Variants in BANK1 observed in about 807,000 individuals in gnomAD.
The protein encoded by BANK1 is B cell scaffold protein with ankyrin repeats 1.
Under a neutral mutation model 94.5 loss-of-function variants are expected in BANK1, and 95 were observed. The ratio of observed to expected loss-of-function variants is 1.00; its 90% CI spans 0.85 to 1.19. BANK1 has a LOEUF of 1.19. Ranked by LOEUF, BANK1 falls within the 50% of genes most tolerant of loss-of-function variation. The pLI, the probability that BANK1 is intolerant of heterozygous loss-of-function variation, is 0.00. For synonymous variants in BANK1, 334 were observed against 308.4 expected, an observed-to-expected ratio of 1.08 and a Z score of -0.87; for missense variants, 987 against 932.2, an observed-to-expected ratio of 1.06 and a Z score of -0.77.
chr4:101,835,618 A>T (rs1726795394), intron 2 of BANK1, among the ~76,000 whole-genome samples: 1 of 152,240 alleles, frequency 6.6e-6, no homozygotes, highest in East Asian at 1.9e-4. Flanking sequence ...AACAAAACAA[A>T]CAACAGAACA....
intron 2 of BANK1, among the ~76,000 whole-genome samples, chr4:101,836,097 G>T (rs1236881597): frequency 6.6e-6 from 1 of 151,918 alleles, no homozygotes; most frequent in Non-Finnish European, 1.5e-5. Context: ...GCATACTTAT[G>T]ACTCTCGTTA....
In BANK1 at chr4:102,055,335, T is replaced by TA. The variant is rs202046703; in HGVS notation, c.1970-4870dup. On this transcript the variant is annotated intron_variant, in intron 11 of 16. Transcript: ENST00000322953. The stretch of plus-strand genomic sequence containing the variant: ...TTATAGTTCAACTATTCATAATTTT[T>TA]AAAAAATCTTATAAAATAGAAAGAG... 4.7e-3 allele frequency among the ~76,000 whole-genome samples: 718 copies of TA among 152,104 alleles called. 4 individuals are homozygous for TA. The highest frequency in any genetic ancestry group is 0.017 in the Middle Eastern group (5 of 294).
chr4:101,792,263 C>CCCCG (rs1464598228), intron 1 of BANK1, among the ~76,000 whole-genome samples: 1 of 140,098 alleles, frequency 7.1e-6, no homozygotes, highest in Non-Finnish European at 1.6e-5. Flanking sequence ...GCTCCCCCCC[C>CCCCG]GCCCCGCCCC....
intron 1 of BANK1, among the ~76,000 whole-genome samples, chr4:101,820,698 T>C (rs966106624): frequency 1.3e-5 from 2 of 152,218 alleles, no homozygotes; most frequent in African/African-American, 2.4e-5. Flanking sequence ...ATCATTTAGC[T>C]CCCACTTATA....
intron 11 of BANK1, among the ~76,000 whole-genome samples, chr4:102,058,467 A>T (rs1019676749): frequency 6.6e-6 from 1 of 152,156 alleles, no homozygotes; most frequent in Admixed American, 6.5e-5. Flanking sequence ...AAACTAAAAA[A>T]AATACAAAAT....
chr4:101,971,115 T>C (rs924647366), intron 7 of BANK1, among the ~76,000 whole-genome samples: 1 of 152,132 alleles, frequency 6.6e-6, no homozygotes, highest in Admixed American at 6.6e-5. Context: ...AACTTAAAGG[T>C]GTTACCTGAT....
At chr4:101,900,555 G>A (rs1216132725) in intron 6 of BANK1, among the ~76,000 whole-genome samples, 3 of 152,182 alleles carry the variant, frequency 2.0e-5, no homozygotes, top group Admixed American at 1.3e-4. Flanking sequence ...GAGGTGAAGA[G>A]ATTTGCTTGA....
intron 7 of BANK1, among the ~76,000 whole-genome samples, chr4:101,946,736 G>A (rs1051491498): frequency 1.3e-5 from 2 of 151,856 alleles, no homozygotes; most frequent in Admixed American, 1.3e-4. Context: ...TTTGAAAGCT[G>A]CCAAGTTAGA....
intron 7 of BANK1, among the ~76,000 whole-genome samples, chr4:102,017,806 T>C (rs1655994287): frequency 6.6e-6 from 1 of 152,234 alleles, no homozygotes; most frequent in South Asian, 2.1e-4. Context: ...AAAAATAGTG[T>C]ATGTATACTC....
At chr4:102,071,217 G>A in intron 13 of BANK1, 58 bp from the exon 14 acceptor site, 4 of 1,547,536 alleles carry the variant, frequency 2.6e-6, no homozygotes, top group Non-Finnish European at 3.6e-6. Flanking sequence ...ATAAGAGAGA[G>A]AATTTAAGAT....
At chr4:101,882,257 TAGAA>T (rs1411109890) in intron 5 of BANK1, among the ~76,000 whole-genome samples, 2 of 152,136 alleles carry the variant, frequency 1.3e-5, no homozygotes, top group East Asian at 1.9e-4. Context: ...CAAAAAAAGA[TAGAA>T]AGTGAAATGA....
rs1462816764 is a variant in BANK1 at position 101,794,267 on chromosome 4, CAG to C, written c.70+3319_70+3320del. Among the ~76,000 whole-genome samples, 3 of 151,926 alleles carry C rather than the reference CAG, an allele frequency of 2.0e-5. No homozygotes were observed. The East Asian group carries it at 5.8e-4, about 29-fold the overall frequency. The stretch of plus-strand genomic sequence containing the variant: ...ATATTTGAAAAAAATAAGCATCAAA[CAG>C]AAAAACTGTGGAGTATTTCAACTTA... On this transcript the variant is annotated intron_variant, in intron 1 of 16. Transcript: ENST00000322953.
chr4:101,843,915 C>T (rs1183184126), intron 2 of BANK1, among the ~76,000 whole-genome samples: 4 of 151,972 alleles, frequency 2.6e-5, no homozygotes, highest in East Asian at 1.9e-4. Context: ...GGGCAAGACT[C>T]GGTCTCAAAA....
intron 7 of BANK1, among the ~76,000 whole-genome samples, chr4:102,013,968 C>T (rs1164237123): frequency 6.6e-6 from 1 of 151,910 alleles, no homozygotes; most frequent in Admixed American, 6.6e-5. Context: ...TCACAAAAAC[C>T]CTGCGAGATA....
intron 5 of BANK1, among the ~76,000 whole-genome samples, chr4:101,876,864 GAGTA>G (rs938850269): frequency 2.9e-4 from 44 of 152,236 alleles, no homozygotes; most frequent in Admixed American, 1.6e-3. Context: ...TAATGAAAAA[GAGTA>G]AGGAGAAATT....
chr4:102,061,165 A>C (rs1372892982), intron 12 of BANK1, among the ~76,000 whole-genome samples: 1 of 152,240 alleles, frequency 6.6e-6, no homozygotes, highest in Admixed American at 6.5e-5. Context: ...AATAATTGAT[A>C]ATAGCTTAAT....
chr4:102,063,581 T>C (rs113186372), intron 13 of BANK1, among the ~76,000 whole-genome samples: 44 of 151,976 alleles, frequency 2.9e-4, no homozygotes, highest in African/African-American at 1.0e-3. Context: ...CCCAGCACTT[T>C]GGGAGGCCGA....
intron 11 of BANK1, among the ~76,000 whole-genome samples, chr4:102,047,167 T>C (rs377620404): frequency 2.0e-5 from 3 of 152,268 alleles, no homozygotes; most frequent in African/African-American, 7.2e-5. Context: ...CCTAGGACAT[T>C]ATGAATCATC....
At chr4:101,852,049 T>C (rs1414151962) in intron 2 of BANK1, among the ~76,000 whole-genome samples, 1 of 152,152 alleles carries the variant, frequency 6.6e-6, no homozygotes, top group African/African-American at 2.4e-5. Flanking sequence ...TTTCCAAACA[T>C]GTTTTGGACT....
Sources: allele counts gnomAD v4.1 joint callset (sites outside exome capture counted in the v4.1 genomes callset), GRCh38; gene constraint gnomAD v4.1.1; transcripts MANE v1.5; gene names NCBI Gene and HGNC (gene_info 2026-07-23, HGNC 2026-07-21).